BANK1: variants seen among roughly 807,000 people sequenced by gnomAD.
BANK1 encodes the protein B cell scaffold protein with ankyrin repeats 1.
Under a neutral mutation model 94.5 loss-of-function variants are expected in BANK1, and 95 were observed. The observed-to-expected ratio is 1.00, with a 90% CI of 0.85 to 1.19. The LOEUF (loss-of-function observed/expected upper bound fraction) is 1.19, where lower values mean the gene tolerates loss of function less well. BANK1 is among the 50% of genes most tolerant of loss of function. The pLI is 0.00. For missense variants in BANK1, 987 were observed against 932.2 expected, an observed-to-expected ratio of 1.06 and a Z score of -0.77; for synonymous variants, 334 against 308.4, an observed-to-expected ratio of 1.08 and a Z score of -0.87.
chr4:101,865,378 G>A (rs924660964), intron 4 of BANK1, among the ~76,000 whole-genome samples: 1 of 152,012 alleles, frequency 6.6e-6, no homozygotes, highest in African/African-American at 2.4e-5. Context: ...GTTTTAGGAT[G>A]TCCCCACACT....
At chr4:101,871,836 TTTTCTGTTGGTC>T (rs1728301846) in intron 5 of BANK1, among the ~76,000 whole-genome samples, 1 of 152,100 alleles carries the variant, frequency 6.6e-6, no homozygotes, top group Non-Finnish European at 1.5e-5. Context: ...TCCAAACATA[TTTTCTGTTGGTC>T]TTTCTGTTGT....
At chr4:102,069,284 A>C (rs1728684166) in intron 13 of BANK1, among the ~76,000 whole-genome samples, 1 of 152,190 alleles carries the variant, frequency 6.6e-6, no homozygotes, top group South Asian at 2.1e-4. Flanking sequence ...AGCTGAGAGG[A>C]CCTAGAGGCA....
chr4:101,821,994 G>A (rs572689245), intron 1 of BANK1, among the ~76,000 whole-genome samples: 3 of 152,270 alleles, frequency 2.0e-5, no homozygotes, highest in African/African-American at 7.2e-5. Context: ...AAAGAAATCA[G>A]TCTGGGGGGA....
At chr4:101,941,428 G>A (rs776602185) in intron 7 of BANK1, among the ~76,000 whole-genome samples, 5 of 151,762 alleles carry the variant, frequency 3.3e-5, no homozygotes, top group Non-Finnish European at 5.9e-5. Context: ...GACAAAGAGA[G>A]ATATGTGTTT....
At chr4:101,959,400 A>T (rs1578421832) in intron 7 of BANK1, among the ~76,000 whole-genome samples, 1 of 152,060 alleles carries the variant, frequency 6.6e-6, no homozygotes, top group East Asian at 1.9e-4. Context: ...GGCCTCCCAA[A>T]GTGCTGGGAT....
At chr4:102,063,774 A>G (rs1008708220) in intron 13 of BANK1, among the ~76,000 whole-genome samples, 1 of 151,388 alleles carries the variant, frequency 6.6e-6, no homozygotes, top group Non-Finnish European at 1.5e-5. Context: ...AGCCAAGATC[A>G]CAGCATTACA....
At chr4:101,839,867 A>AAAGGAGAT (rs1345585117) in intron 2 of BANK1, among the ~76,000 whole-genome samples, 1 of 150,698 alleles carries the variant, frequency 6.6e-6, no homozygotes, top group Non-Finnish European at 1.5e-5. Flanking sequence ...AAACTAAGAC[A>AAAGGAGAT]AAGGAGATAT....
intron 5 of BANK1, among the ~76,000 whole-genome samples, chr4:101,886,789 G>A (rs148173305): frequency 2.4e-4 from 36 of 151,498 alleles, no homozygotes; most frequent in African/African-American, 8.7e-4. Flanking sequence ...GAAAAACTGA[G>A]CACAATCAAG....
At chr4:101,933,924 T>A (rs924791285) in intron 7 of BANK1, among the ~76,000 whole-genome samples, 1 of 151,490 alleles carries the variant, frequency 6.6e-6, no homozygotes, top group African/African-American at 2.4e-5. Context: ...CTGGCTTTTT[T>A]AGAGTGATTT....
chr4:101,859,265 A>G (rs766744953), intron 3 of BANK1, among the ~76,000 whole-genome samples: 9 of 152,238 alleles, frequency 5.9e-5, no homozygotes, highest in Non-Finnish European at 1.2e-4. Context: ...ACAGTGACCA[A>G]AAGATGTCTC....
At chr4:101,980,070 G>A (rs906285444) in intron 7 of BANK1, among the ~76,000 whole-genome samples, 2 of 151,752 alleles carry the variant, frequency 1.3e-5, no homozygotes, top group African/African-American at 4.8e-5. Context: ...TTTATAAGTG[G>A]CAAAAGTTTT....
chr4:102,022,236 C>T (rs557233704), intron 8 of BANK1, among the ~76,000 whole-genome samples: 4 of 152,152 alleles, frequency 2.6e-5, no homozygotes, highest in South Asian at 2.1e-4. Flanking sequence ...TTTGAAAGTT[C>T]GGATTCCTGC....
intron 6 of BANK1, among the ~76,000 whole-genome samples, chr4:101,912,027 G>A (rs1380039608): frequency 3.9e-5 from 6 of 151,982 alleles, no homozygotes; most frequent in Non-Finnish European, 7.4e-5. Context: ...TGCATGGGTT[G>A]GCCTCAATTA....
chr4:101,919,899 T>C (rs1722946374), intron 7 of BANK1, among the ~76,000 whole-genome samples: 1 of 152,016 alleles, frequency 6.6e-6, no homozygotes, highest in Admixed American at 6.6e-5. Flanking sequence ...TTTTTGCAAA[T>C]GTGTAGTTAA....
At chr4:101,870,372 A>G in intron 4 of BANK1, 133 bp from the exon 5 acceptor site, 1 of 763,316 alleles carries the variant, frequency 1.3e-6, no homozygotes, top group Admixed American at 3.6e-5. Flanking sequence ...GAATTTTAAA[A>G]ATGATTTTAA....
chr4:101,806,692 C>T (rs781407760), intron 1 of BANK1, among the ~76,000 whole-genome samples: 50 of 152,116 alleles, frequency 3.3e-4, no homozygotes, highest in Non-Finnish European at 5.6e-4. Flanking sequence ...AAAAACACTG[C>T]AGAGATGAAA....
At chr4:101,838,618 G>A (rs919198321) in intron 2 of BANK1, among the ~76,000 whole-genome samples, 1 of 152,116 alleles carries the variant, frequency 6.6e-6, no homozygotes, top group African/African-American at 2.4e-5. Flanking sequence ...AAATTTTACT[G>A]TCTCTTATTA....
At chr4:102,007,156 A>ATATATATATATATATAATATATTT (rs1560682370) in intron 7 of BANK1, among the ~76,000 whole-genome samples, 1 of 114,742 alleles carries the variant, frequency 8.7e-6, no homozygotes, top group African/African-American at 3.3e-5. Flanking sequence ...TTATATATAT[A>ATATATATATATATATAATATATTT]TATATATATA....
chr4:101,913,785 C>T lies in BANK1; in HGVS notation c.1010-4208C>T, dbSNP rs1722743211. Among the ~76,000 whole-genome samples, 5 of 152,174 alleles carry T rather than the reference C, an allele frequency of 3.3e-5. 1 individual carries two copies. In the South Asian group the frequency reaches 1.0e-3, roughly 32 times the overall value. On this transcript the variant is annotated intron_variant, in intron 6 of 16. Coordinates refer to ENST00000322953, the MANE Select transcript of BANK1 (RefSeq NM_017935.5). The stretch of plus-strand genomic sequence containing the variant: ...ATATTTTCTTCTTCCTTTTCCTCCT[C>T]CTCCTATCATTACTGCTGCTAATTT...
Sources: allele counts gnomAD v4.1 joint callset (sites outside exome capture counted in the v4.1 genomes callset), GRCh38; gene constraint gnomAD v4.1.1; transcripts MANE v1.5; gene names NCBI Gene and HGNC (gene_info 2026-07-23, HGNC 2026-07-21).